CTNNA2: variants seen among roughly 807,000 people sequenced by gnomAD.
CTNNA2 encodes catenin alpha-2.
A neutral mutation model predicts 101.0 loss-of-function variants in CTNNA2; 42 were observed. The ratio of observed to expected loss-of-function variants is 0.42; its 90% CI spans 0.32 to 0.54. The LOEUF (loss-of-function observed/expected upper bound fraction) is 0.54, where lower values mean the gene tolerates loss of function less well. Among genes scored for constraint, CTNNA2 ranks in the 20% least tolerant of loss-of-function variants. The pLI is 0.14. For synonymous variants in CTNNA2, 450 were observed against 456.4 expected, an observed-to-expected ratio of 0.99 and a Z score of 0.18; for missense variants, 871 against 1,223.1, an observed-to-expected ratio of 0.71 and a Z score of 4.29.
chr2:79,198,995 G>A (rs1323876578), intron 2 of CTNNA2, among the ~76,000 whole-genome samples: 1 of 152,130 alleles, frequency 6.6e-6, no homozygotes, highest in Non-Finnish European at 1.5e-5. Context: ...GTATACAAAT[G>A]GAAGCAAACT....
chr2:79,575,689 C>T (rs1188771522), intron 1 of CTNNA2: 1 of 152,178 alleles, frequency 6.6e-6, no homozygotes, highest in Non-Finnish European at 1.5e-5. Flanking sequence ...CATCGCAATA[C>T]TCATCACAAT....
At chr2:80,116,763 G>A (rs1248858980) in intron 7 of CTNNA2, among the ~76,000 whole-genome samples, 1 of 152,158 alleles carries the variant, frequency 6.6e-6, no homozygotes, top group African/African-American at 2.4e-5. Flanking sequence ...TGTGAGGAGA[G>A]GGTGAGTTTG....
chr2:79,593,463 T>C (rs1336746716), intron 1 of CTNNA2, among the ~76,000 whole-genome samples: 3 of 152,236 alleles, frequency 2.0e-5, no homozygotes, highest in African/African-American at 7.2e-5. Flanking sequence ...TATCTTGCTC[T>C]GACCACAGCC....
chr2:79,285,115 A>C lies in CTNNA2; in HGVS notation c.-405-27594A>C, dbSNP rs546253531. Among the ~76,000 whole-genome samples the C allele has an allele frequency of 5.4e-4, 81 of 151,390 alleles. 1 individual carries two copies. The highest frequency in any genetic ancestry group is 1.9e-3 in the African/African-American group (77 of 41,204). On this transcript the variant is annotated intron_variant, in intron 2 of 21. Transcript: ENST00000466387. ...TGGGATCGGTGGTGATATCCCCTTT[A>C]TCATTTTTTATTGTGTCTATTTGAT...
At chr2:80,066,046 C>T (rs2148767529) in intron 7 of CTNNA2, among the ~76,000 whole-genome samples, 1 of 152,322 alleles carries the variant, frequency 6.6e-6, no homozygotes, top group South Asian at 2.1e-4. Context: ...GGAAAAGCTA[C>T]TGTGGTAGCC....
chr2:80,252,806 G>A (rs866595737), intron 7 of CTNNA2, among the ~76,000 whole-genome samples: 4 of 152,160 alleles, frequency 2.6e-5, no homozygotes, highest in South Asian at 4.1e-4. Flanking sequence ...CTTGTAGGCG[G>A]CGACTTGTTT....
intron 4 of CTNNA2, among the ~76,000 whole-genome samples, chr2:79,462,858 T>C (rs149177059): frequency 1.3e-5 from 2 of 152,232 alleles, no homozygotes; most frequent in Non-Finnish European, 2.9e-5. Context: ...TGTGTTGTTA[T>C]TTTGTCTATG....
intron 7 of CTNNA2, among the ~76,000 whole-genome samples, chr2:80,104,685 G>A (rs572100723): frequency 6.6e-6 from 1 of 152,344 alleles, no homozygotes; most frequent in African/African-American, 2.4e-5. Context: ...ATGTTGGTAT[G>A]CAACCATAAT....
At chr2:80,328,781 A>G (rs1356843490) in intron 7 of CTNNA2, among the ~76,000 whole-genome samples, 1 of 152,254 alleles carries the variant, frequency 6.6e-6, no homozygotes, top group Non-Finnish European at 1.5e-5. Flanking sequence ...CGAACATCGT[A>G]GAATGTACTT....
chr2:79,306,885 C>G (rs1285004057), intron 2 of CTNNA2, among the ~76,000 whole-genome samples: 1 of 152,160 alleles, frequency 6.6e-6, no homozygotes, highest in Non-Finnish European at 1.5e-5. Context: ...TAAGACATCT[C>G]TACATGTGCA....
intron 3 of CTNNA2, among the ~76,000 whole-genome samples, chr2:79,833,253 C>A (rs983285112): frequency 7.2e-5 from 11 of 152,170 alleles, no homozygotes; most frequent in Non-Finnish European, 1.3e-4. Flanking sequence ...GAAAGGTAGG[C>A]TAGCCCTAGG....
chr2:80,214,963 C>A (rs113779519), intron 7 of CTNNA2, among the ~76,000 whole-genome samples: 4,456 of 152,144 alleles, frequency 0.029, 233 homozygotes, highest in African/African-American at 0.1. Flanking sequence ...GTTTCTTTTA[C>A]TCTTTTTTCT....
chr2:79,874,645 A>G (rs1457039838), intron 6 of CTNNA2, among the ~76,000 whole-genome samples: 2 of 152,112 alleles, frequency 1.3e-5, no homozygotes. Context: ...CGTCTCTACT[A>G]AAAATGTAAA....
At chr2:80,389,866 A>T (rs902899463) in intron 7 of CTNNA2, among the ~76,000 whole-genome samples, 1 of 152,182 alleles carries the variant, frequency 6.6e-6, no homozygotes, top group African/African-American at 2.4e-5. Flanking sequence ...TCAGCCAAAG[A>T]CTTTGAGGCT....
At chr2:79,326,166 C>G (rs1676741002) in intron 3 of CTNNA2, among the ~76,000 whole-genome samples, 1 of 152,016 alleles carries the variant, frequency 6.6e-6, no homozygotes, top group Admixed American at 6.6e-5. Flanking sequence ...TAGTGGACTA[C>G]AAAATCTATC....
At chr2:80,224,583 T>C (rs1708764917) in intron 7 of CTNNA2, among the ~76,000 whole-genome samples, 1 of 152,134 alleles carries the variant, frequency 6.6e-6, no homozygotes, top group Admixed American at 6.6e-5. Context: ...TAGCTGGGAT[T>C]ACATGTGCCT....
At chr2:79,982,910 T>C (rs1691486877) in intron 7 of CTNNA2, among the ~76,000 whole-genome samples, 1 of 152,074 alleles carries the variant, frequency 6.6e-6, no homozygotes, top group African/African-American at 2.4e-5. Context: ...CTCTCTCTCT[T>C]GACCACAGAT....
chr2:80,249,455 G>A (rs1671588719), intron 7 of CTNNA2, among the ~76,000 whole-genome samples: 1 of 152,188 alleles, frequency 6.6e-6, no homozygotes, highest in African/African-American at 2.4e-5. Flanking sequence ...TGTTTACCAA[G>A]CTGTTAATAG....
At chr2:80,552,959 G>A (rs965591614) in intron 11 of CTNNA2, among the ~76,000 whole-genome samples, 11 of 151,792 alleles carry the variant, frequency 7.2e-5, no homozygotes, top group African/African-American at 2.4e-4. Context: ...GGTCATGCCT[G>A]TAATCCCAGC....
Sources: allele counts gnomAD v4.1 joint callset (sites outside exome capture counted in the v4.1 genomes callset), GRCh38; gene constraint gnomAD v4.1.1; transcripts MANE v1.5; gene names NCBI Gene and HGNC (gene_info 2026-07-23, HGNC 2026-07-21).